Variants in MEIOSIN observed in about 807,000 individuals in gnomAD.
MEIOSIN encodes meiosis initiator protein.
MEIOSIN carries 18 observed loss-of-function variants against 23.4 expected under a neutral mutation model. The observed-to-expected ratio is 0.77, with a 90% CI of 0.53 to 1.14. The LOEUF (loss-of-function observed/expected upper bound fraction) is 1.14, where lower values mean the gene tolerates loss of function less well. Among genes scored for constraint, MEIOSIN ranks in the 50% most tolerant of loss-of-function variants. The pLI, the probability that MEIOSIN is intolerant of heterozygous loss-of-function variation, is 0.00. For missense variants in MEIOSIN, 428 were observed against 242.9 expected (o/e 1.76, Z -5.07); for synonymous variants, 187 against 100.6 (o/e 1.86, Z -5.14).
At chr19:45,745,098 C>A (rs977220704) in intron 3 of MEIOSIN, 94 bp from the exon 4 acceptor site, 1 of 682,402 alleles carries the variant, frequency 1.5e-6, no homozygotes. Flanking sequence ...GTGCGGGCAG[C>A]CCTAAAATGA....
chr19:45,749,891 C>T (rs949319522), intron 4 of MEIOSIN, among the ~76,000 whole-genome samples: 1 of 150,880 alleles, frequency 6.6e-6, no homozygotes, highest in Non-Finnish European at 1.5e-5. Flanking sequence ...CTAGTCCCAG[C>T]TACTCAGGAG....
intron 3 of MEIOSIN, among the ~76,000 whole-genome samples, 161 bp from the exon 4 acceptor site, chr19:45,745,031 G>A (rs1175381685): frequency 6.6e-6 from 1 of 152,132 alleles, no homozygotes; most frequent in East Asian, 1.9e-4. Context: ...TAAGGGCTAA[G>A]GGAAAGTAAC....
At chr19:45,749,987 T>C (rs568622790) in intron 4 of MEIOSIN, among the ~76,000 whole-genome samples, 2 of 126,604 alleles carry the variant, frequency 1.6e-5, no homozygotes, top group East Asian at 2.3e-4. Flanking sequence ...CTGGGCAACA[T>C]AGCAAGACTC....
At position 45,756,068 on chromosome 19, in the gene MEIOSIN, C is replaced by T. The variant is rs1272237830; in HGVS notation, c.901C>T (p.Pro301Ser). 1.4e-6 allele frequency: 1 copy of T among 702,816 alleles called. No individual in the cohort carries two copies. 43.5% of individuals were successfully genotyped at this position (702,816 alleles called of 1,614,324 possible). ...GATCCATTTTCTCAACAAGACCCAG[C>T]CCCATCCCAGGTAAGGGCGTCCCCA... is the stretch of plus-strand genomic sequence containing the variant. ...ARIHFLNKTQ[P>S]HPRQKLVFYD... The change falls in exon 8 of 15, where the codon CCC (proline) becomes TCC (serine). Residue 301 changes from proline to serine, a missense_variant. Pro to Ser is a moderately conservative substitution (Grantham distance 74, BLOSUM62 -1). Coordinates refer to ENST00000457052, the MANE Select transcript of MEIOSIN (RefSeq NM_001310124.2).
At chr19:45,759,523 C>A in intron 11 of MEIOSIN, 33 bp downstream of exon 11, 1 of 702,230 alleles carries the variant, frequency 1.4e-6, no homozygotes, top group Non-Finnish European at 2.6e-6. Context: ...TCCACAGACA[C>A]ATCCATCCGT....
intron 6 of MEIOSIN, among the ~76,000 whole-genome samples, chr19:45,754,179 G>A (rs1231399415): frequency 6.6e-6 from 1 of 152,216 alleles, no homozygotes; most frequent in Non-Finnish European, 1.5e-5. Context: ...GTTTCGCCAT[G>A]TTGGCCAGGC....
chr19:45,759,315 A>G (rs868364913), intron 10 of MEIOSIN, 99 bp from the exon 11 acceptor site: 1 of 675,730 alleles, frequency 1.5e-6, no homozygotes, highest in Middle Eastern at 3.5e-4. Context: ...GGAGAACGCC[A>G]GAGACGGGGA....
At chr19:45,761,141 T>C (rs1968932770) in intron 11 of MEIOSIN, among the ~76,000 whole-genome samples, 1 of 151,054 alleles carries the variant, frequency 6.6e-6, no homozygotes, top group Admixed American at 6.6e-5. Flanking sequence ...TTTTTTTTTT[T>C]TGAGACAGAG....
intron 2 of MEIOSIN, among the ~76,000 whole-genome samples, chr19:45,738,624 A>C (rs1203881063): frequency 6.6e-6 from 1 of 152,214 alleles, no homozygotes; most frequent in Non-Finnish European, 1.5e-5. Flanking sequence ...AAAAAGAAAA[A>C]AAAGCATAGC....
In MEIOSIN at chr19:45,763,952, C is replaced by T. The variant is rs1460436355; in HGVS notation, c.1770-19C>T. 1 of 398,602 alleles carries T rather than the reference C, an allele frequency of 2.5e-6. No homozygotes were observed. The highest frequency in any genetic ancestry group is 2.1e-5 in the African/African-American group (1 of 48,624). The allele number at this position is 398,602 out of a possible 1,614,324, so 24.7% of individuals were successfully genotyped here. A position where few individuals can be genotyped will look rare whatever the true frequency, so the allele number is the denominator to read the frequency against. ...GAGGCGAGTGAGGAAGCCAGGCCAT[C>T]CTGCCACCGTCTCCCCAGCACCAAG... On this transcript the variant is annotated intron_variant, in intron 14 of 14. Transcript: ENST00000457052.
chr19:45,756,043 G>T lies in MEIOSIN; in HGVS notation c.876G>T (p.Arg292Ser), dbSNP rs1316860423. The change falls in exon 8 of 15, where the codon AGG (arginine) becomes AGT (serine). Residue 292 changes from arginine (R) to serine (S), a missense_variant. By Grantham distance (110) the Arg-to-Ser change is moderately radical. Transcript: ENST00000457052. ...PALLAQEDVA[R>S]IHFLNKTQPH... ...TCCTGGCTCAGGAAGATGTGGCGAG[G>T]ATCCATTTTCTCAACAAGACCCAGC... The T allele has an allele frequency of 7.1e-6, 5 of 702,798 alleles. No homozygotes were observed. The highest frequency in any genetic ancestry group is 5.2e-5 in the African/African-American group (3 of 57,256). The allele number at this position is 702,798 out of a possible 1,614,324, so 43.5% of individuals were successfully genotyped here. A position where few individuals can be genotyped will look rare whatever the true frequency, so the allele number is the denominator to read the frequency against.
At chr19:45,760,903 G>A (rs1272595591) in intron 11 of MEIOSIN, among the ~76,000 whole-genome samples, 2 of 143,254 alleles carry the variant, frequency 1.4e-5, no homozygotes, top group Non-Finnish European at 3.0e-5. Context: ...CAGCCTGAGG[G>A]ACAAGAGTAA....
At chr19:45,739,859 T>G (rs1568553523) in intron 3 of MEIOSIN, 129 bp downstream of exon 3, 1 of 618,920 alleles carries the variant, frequency 1.6e-6, no homozygotes, top group South Asian at 1.9e-5. Context: ...CTTCCTTTTT[T>G]TTTTTGAGAC....
intron 14 of MEIOSIN, among the ~76,000 whole-genome samples, chr19:45,763,691 G>A (rs1206122879): frequency 1.3e-5 from 2 of 152,106 alleles, no homozygotes; most frequent in Non-Finnish European, 2.9e-5. Flanking sequence ...TTCTCGGGGC[G>A]TGGTCTGATT....
At chr19:45,749,476 C>T (rs1260301592) in intron 4 of MEIOSIN, among the ~76,000 whole-genome samples, 2 of 150,512 alleles carry the variant, frequency 1.3e-5, no homozygotes, top group Non-Finnish European at 2.9e-5. Context: ...GAGATTGAGA[C>T]CATTCTGGCT....
chr19:45,749,864 C>T (rs1231792080), intron 4 of MEIOSIN, among the ~76,000 whole-genome samples: 1 of 151,168 alleles, frequency 6.6e-6, no homozygotes, highest in Non-Finnish European at 1.5e-5. Flanking sequence ...ATTAGCTGGG[C>T]CTGGTGGCAC....
intron 4 of MEIOSIN, among the ~76,000 whole-genome samples, chr19:45,749,407 G>C (rs1335862315): frequency 6.7e-6 from 1 of 150,272 alleles, no homozygotes; most frequent in African/African-American, 2.4e-5. Flanking sequence ...CGAGCGCAGT[G>C]GCTCACGCCT....
At chr19:45,763,015 C>T (rs896401192) in intron 13 of MEIOSIN, among the ~76,000 whole-genome samples, 7 of 151,964 alleles carry the variant, frequency 4.6e-5, no homozygotes, top group Admixed American at 3.3e-4. Context: ...TTGGTAGATC[C>T]GGTGCCAACC....
intron 13 of MEIOSIN, 96 bp from the exon 14 acceptor site, chr19:45,763,242 G>A: frequency 2.5e-6 from 1 of 397,552 alleles, no homozygotes; most frequent in Admixed American, 4.4e-5. Flanking sequence ...GGGTGGTCTT[G>A]GAGGCCTTGT....
Sources: gnomAD v4.1 joint callset for allele counts (sites outside exome capture counted in the v4.1 genomes callset) on GRCh38, gnomAD v4.1.1 for gene constraint, MANE v1.5 for transcripts, NCBI Gene and HGNC (gene_info 2026-07-23, HGNC 2026-07-21) for gene names.